PITPNA: variants seen among roughly 807,000 people sequenced by gnomAD.
PITPNA encodes the protein phosphatidylinositol transfer protein alpha, also known as phosphatidylinositol transfer protein alpha isoform.
In PITPNA, 13 loss-of-function variants were observed where a neutral mutation model predicts 50.3. The observed-to-expected ratio is 0.26, with a 90% CI of 0.17 to 0.41. The LOEUF (loss-of-function observed/expected upper bound fraction) is 0.41, where lower values mean the gene tolerates loss of function less well. Among genes scored for constraint, PITPNA ranks in the 10% least tolerant of loss-of-function variants. The pLI, the probability that PITPNA is intolerant of heterozygous loss-of-function variation, is 1.00. For missense variants in PITPNA, 207 were observed against 333.4 expected (o/e 0.62, Z 2.95); for synonymous variants, 120 against 119.6 (o/e 1.00, Z -0.02).
chr17:1,539,544 C>G (rs529278399), intron 6 of PITPNA, among the ~76,000 whole-genome samples: 2 of 151,394 alleles, frequency 1.3e-5, no homozygotes, highest in Non-Finnish European at 2.9e-5. Flanking sequence ...TCCTGAAGAG[C>G]TGGGCCCGAG....
chr17:1,528,103 A>T (rs1287701281), intron 10 of PITPNA, among the ~76,000 whole-genome samples: 1 of 151,754 alleles, frequency 6.6e-6, no homozygotes, highest in Non-Finnish European at 1.5e-5. Context: ...AGGTGGGTGG[A>T]TCAGTTGAAT....
intron 10 of PITPNA, among the ~76,000 whole-genome samples, chr17:1,522,029 C>T (rs1025644411): frequency 4.0e-5 from 6 of 151,382 alleles, no homozygotes; most frequent in South Asian, 4.2e-4. Context: ...ACACTTGGCC[C>T]GTTTCATTCA....
intron 2 of PITPNA, among the ~76,000 whole-genome samples, chr17:1,555,992 C>A (rs2151014118): frequency 6.6e-6 from 1 of 152,308 alleles, no homozygotes; most frequent in Non-Finnish European, 1.5e-5. Context: ...TCTTCACTTT[C>A]CCCTAAATCA....
chr17:1,554,428 C>T (rs766505974), intron 2 of PITPNA, among the ~76,000 whole-genome samples: 1 of 130,510 alleles, frequency 7.7e-6, no homozygotes, highest in African/African-American at 2.9e-5. Context: ...AGACAGAGAT[C>T]GCACAGTGGT....
intron 10 of PITPNA, among the ~76,000 whole-genome samples, chr17:1,526,485 A>G (rs1012703598): frequency 6.6e-6 from 1 of 152,238 alleles, no homozygotes; most frequent in Non-Finnish European, 1.5e-5. Context: ...AAACTCTTTC[A>G]TAATAGAATT....
In PITPNA at chr17:1,562,631, C is replaced by A; in HGVS notation, c.-71G>T. On this transcript the variant is annotated 5_prime_UTR_variant, in exon 1 of 12. Transcript: ENST00000313486. This position sits in a 1 kb window ranked among gnomAD's most constrained non-coding sequence, Gnocchi z 6.4. ...GCCCGCTGCCCGCCGGCCGCTCTCC[C>A]CGTGGCCCGGCCCGGCCCGGCTGCC... The A allele has an allele frequency of 1.8e-6, 2 of 1,110,122 alleles. No homozygotes were observed. Among genetic ancestry groups the A allele is most frequent in the Non-Finnish European group, 1.1e-6 (1 of 891,156 alleles). The allele number at this position is 1,110,122 out of a possible 1,614,324, so 68.8% of individuals were successfully genotyped here.
chr17:1,541,111 A>G (rs2075645884), intron 6 of PITPNA, among the ~76,000 whole-genome samples: 1 of 152,192 alleles, frequency 6.6e-6, no homozygotes, highest in Non-Finnish European at 1.5e-5. Context: ...TATGTTGCCC[A>G]GGATGGTCTT....
intron 11 of PITPNA, among the ~76,000 whole-genome samples, 160 bp from the exon 12 acceptor site, chr17:1,520,698 G>C (rs1444619266): frequency 6.6e-6 from 1 of 152,160 alleles, no homozygotes; most frequent in Non-Finnish European, 1.5e-5. Context: ...CTGAGAAGCT[G>C]GCATCACAGC....
chr17:1,520,933 C>G (rs2075507607), intron 11 of PITPNA, among the ~76,000 whole-genome samples: 1 of 152,114 alleles, frequency 6.6e-6, no homozygotes, highest in Non-Finnish European at 1.5e-5. Flanking sequence ...CTGCTGGAAT[C>G]CCATGACTCG....
chr17:1,532,451 A>C (rs1212013886), intron 10 of PITPNA, among the ~76,000 whole-genome samples: 1 of 152,196 alleles, frequency 6.6e-6, no homozygotes, highest in Non-Finnish European at 1.5e-5. Flanking sequence ...GGGCTCTCAA[A>C]GTTTGGATCT....
intron 10 of PITPNA, among the ~76,000 whole-genome samples, chr17:1,523,624 C>T (rs539801512): frequency 1.3e-5 from 2 of 151,922 alleles, no homozygotes; most frequent in East Asian, 3.9e-4. Flanking sequence ...TCCCCTGCCT[C>T]AGCCTCCCCA....
At chr17:1,541,219 G>C (rs577734770) in intron 6 of PITPNA, among the ~76,000 whole-genome samples, 1 of 152,068 alleles carries the variant, frequency 6.6e-6, no homozygotes, top group Non-Finnish European at 1.5e-5. Context: ...CTAAATTCTT[G>C]GGCATGGAAA....
At chr17:1,548,164 G>A (rs909760731) in intron 4 of PITPNA, 132 bp downstream of exon 4, 19 of 599,604 alleles carry the variant, frequency 3.2e-5, no homozygotes, top group Admixed American at 9.4e-5. Flanking sequence ...GCTGGACACA[G>A]CACTGATACC....
At chr17:1,542,275 T>C (rs1270656582) in intron 5 of PITPNA, among the ~76,000 whole-genome samples, 2 of 151,452 alleles carry the variant, frequency 1.3e-5, no homozygotes, top group Non-Finnish European at 2.9e-5. Context: ...TCAGAATCCA[T>C]GCATTTAGCC....
Position 1,562,564 on chromosome 17 carries a change from G to A in PITPNA, c.-4C>T. ...ACTACTCCTTGAGCAGCACCATGTCGCTTCGCGGCTCGGTGGCTGCCCGCG... is the reference window on the plus strand; with the variant it reads ...ACTACTCCTTGAGCAGCACCATGTCACTTCGCGGCTCGGTGGCTGCCCGCG... On this transcript the variant is annotated 5_prime_UTR_variant, in exon 1 of 12. Coordinates refer to ENST00000313486, the MANE Select transcript of PITPNA (RefSeq NM_006224.4). The surrounding 1 kb of genome is among the most constrained non-coding windows in gnomAD (Gnocchi z 6.4). The A allele has an allele frequency of 1.5e-6, 2 of 1,342,310 alleles. No homozygotes were observed. Among genetic ancestry groups the A allele is most frequent in the Non-Finnish European group, 1.9e-6 (2 of 1,036,920 alleles). The allele number at this position is 1,342,310 out of a possible 1,614,324, so 83.1% of individuals were successfully genotyped here.
chr17:1,551,130 G>C (rs531827472), intron 3 of PITPNA, among the ~76,000 whole-genome samples: 1 of 151,960 alleles, frequency 6.6e-6, no homozygotes, highest in Non-Finnish European at 1.5e-5. Flanking sequence ...CGGAGTCAGC[G>C]GGGCCTGATG....
chr17:1,554,649 G>A (rs903957195), intron 2 of PITPNA, among the ~76,000 whole-genome samples: 2 of 152,000 alleles, frequency 1.3e-5, no homozygotes, highest in African/African-American at 4.8e-5. Flanking sequence ...GAGCTGCTTC[G>A]CCTCAAACTT....
chr17:1,547,037 G>A (rs533661562), intron 4 of PITPNA, among the ~76,000 whole-genome samples: 7 of 152,178 alleles, frequency 4.6e-5, no homozygotes, highest in African/African-American at 1.7e-4. Context: ...TTAGTGACAA[G>A]GAAAATGTTA....
chr17:1,526,783 G>A (rs941882862), intron 10 of PITPNA, among the ~76,000 whole-genome samples: 1 of 152,120 alleles, frequency 6.6e-6, no homozygotes, highest in African/African-American at 2.4e-5. Context: ...TTTGTTTTTT[G>A]AGACGGAGTC....
Sources: allele counts gnomAD v4.1 joint callset (sites outside exome capture counted in the v4.1 genomes callset), GRCh38; gene constraint gnomAD v4.1.1; non-coding constraint Gnocchi (gnomAD v3.1); transcripts MANE v1.5; gene names NCBI Gene and HGNC (gene_info 2026-07-23, HGNC 2026-07-21).